ITGAD: variants seen among roughly 807,000 people sequenced by gnomAD.
The protein encoded by ITGAD is integrin alpha-D.
Under a neutral mutation model 139.0 loss-of-function variants are expected in ITGAD, and 105 were observed. That is an observed-to-expected ratio of 0.76 (90% CI 0.65 to 0.89). The LOEUF is 0.89. Among genes scored for constraint, ITGAD ranks in the 40% least tolerant of loss-of-function variants. ITGAD has a pLI of 0.00. For synonymous variants in ITGAD, 569 were observed against 598.3 expected (o/e 0.95, Z 0.71); for missense variants, 1,384 against 1,487.3 (o/e 0.93, Z 1.14).
Position 31,426,090 on chromosome 16 carries a change from G to A in ITGAD, c.3448G>A (p.Asp1150Asn), listed in dbSNP as rs199833797. 3.4e-5 allele frequency: 55 copies of A among 1,613,566 alleles called. No homozygotes were observed. In the East Asian group the frequency reaches 7.1e-4, roughly 21 times the overall value. ...PEDTATFSGD[D>N]FSCVAPNVPL... is the part of the protein sequence containing the mutation. ...AGACACTGCCACATTCAGTGGGGAC[G>A]ATTTCAGCTGTGTGGCCCCAAATGT... The change falls in exon 30 of 30, where the codon GAT (aspartate) becomes AAT (asparagine). Residue 1150 changes from aspartate (D) to asparagine (N), a missense_variant. Asp to Asn is a conservative substitution (Grantham distance 23). Transcript: ENST00000389202.
chr16:31,411,599 A>G (rs2081718186), intron 14 of ITGAD, 82 bp downstream of exon 14: 1 of 1,323,910 alleles, frequency 7.6e-7, no homozygotes, highest in Non-Finnish European at 1.1e-6. Flanking sequence ...TGTCTCTGTC[A>G]CCATTCCCTT....
In ITGAD at chr16:31,407,513, A is replaced by G; in HGVS notation, c.705-2A>G. 6.4e-7 allele frequency: 1 copy of G among 1,572,238 alleles called. No homozygotes were observed. The highest frequency in any genetic ancestry group is 8.6e-7 in the Non-Finnish European group (1 of 1,157,678). On this transcript the variant is annotated splice_acceptor_variant, in intron 7 of 29. Transcript: ENST00000389202. LOFTEE classifies it high-confidence loss of function. The stretch of plus-strand genomic sequence containing the variant: ...GAGTCATCTTCCTTTCCTCCCCGAC[A>G]GGACACAGCTATTTCATCATAAGAA...
chr16:31,418,159 G>A lies in ITGAD; in HGVS notation c.2584G>A (p.Val862Ile). 6.2e-7 allele frequency: 1 copy of A among 1,614,048 alleles called. No individual in the cohort carries two copies. Among genetic ancestry groups the A allele is most frequent in the South Asian group, 1.1e-5 (1 of 91,078 alleles). The part of the protein sequence containing the change: ...DEGLRSSRCS[V>I]NHPIFHEGSN... ...GGGCCTAAGAAGCAGCCGCTGCAGT[G>A]TCAACCACCCCATCTTCCATGAGGG... Residue 862 changes from valine (V) to isoleucine (I), a missense_variant, in exon 21 of 30, where the codon GTC becomes ATC. Val to Ile is a conservative substitution (Grantham distance 29). Coordinates refer to ENST00000389202, the MANE Select transcript of ITGAD (RefSeq NM_005353.3).
At chr16:31,402,031 G>A in intron 5 of ITGAD, 84 bp from the exon 6 acceptor site, 2 of 1,487,006 alleles carry the variant, frequency 1.3e-6, no homozygotes, top group South Asian at 1.2e-5. Flanking sequence ...GCCAAGAACA[G>A]CCCCCGGGCT....
chr16:31,410,789 G>C lies in ITGAD; in HGVS notation c.1267G>C (p.Ala423Pro), dbSNP rs998068799. 11 of 1,613,598 alleles carry C rather than the reference G, an allele frequency of 6.8e-6. No homozygotes were observed. The Admixed American group carries it at 1.3e-4, about 20-fold the overall frequency. Residue 423 changes from alanine to proline, a missense_variant, in exon 12 of 30, where the codon GCC (alanine) becomes CCC (proline). Transcript: ENST00000389202. ...GGGGGTACAGAACCTGGTCCTGGGG[G>C]CCCCCCGCTACCAGCATACCGGGAA... ...WKGVQNLVLG[A>P]PRYQHTGKAV... is the part of the protein sequence containing the mutation.
At chr16:31,416,673 G>T (rs201665972) in intron 20 of ITGAD, 27 bp downstream of exon 20, 3 of 1,586,178 alleles carry the variant, frequency 1.9e-6, no homozygotes, top group Admixed American at 3.4e-5. Flanking sequence ...GCTCTAGTGG[G>T]AGGGGGCCTC....
At chr16:31,418,216 A>G (rs1447667022) in intron 21 of ITGAD, 25 bp downstream of exon 21, 1 of 1,606,472 alleles carries the variant, frequency 6.2e-7, no homozygotes, top group South Asian at 1.1e-5. Context: ...CTAAATCCCC[A>G]TCACTGTCCT....
chr16:31,403,405 C>T lies in ITGAD; in HGVS notation c.559-95C>T, dbSNP rs2081454827. 1.4e-6 allele frequency: 2 copies of T among 1,441,906 alleles called. No individual in the cohort carries two copies. The highest frequency in any genetic ancestry group is 1.8e-5 in the Admixed American group (1 of 55,194). 89.3% of individuals were successfully genotyped at this position (1,441,906 alleles called of 1,614,324 possible). On this transcript the variant is annotated intron_variant, in intron 6 of 29. Transcript: ENST00000389202. This position sits in a 1 kb window ranked among gnomAD's most constrained non-coding sequence, Gnocchi z 4.4. ...GCTGAGGCAGGAGGATCACTTGAGG[C>T]CAGGAGTTTGAGAGACCCTGTCTCT...
chr16:31,416,768 C>T, intron 20 of ITGAD, 122 bp downstream of exon 20: 1 of 891,838 alleles, frequency 1.1e-6, no homozygotes, highest in Non-Finnish European at 1.7e-6. Flanking sequence ...CTCTCTCACA[C>T]ACACACACAT....
rs2081210857 is a variant in ITGAD at position 31,394,245 on chromosome 16, C to A, written c.41C>A (p.Ser14Tyr). 6.2e-7 allele frequency: 1 copy of A among 1,612,680 alleles called. No individual in the cohort carries two copies. Among genetic ancestry groups the A allele is most frequent in the African/African-American group, 1.3e-5 (1 of 74,830 alleles). The change falls in exon 2 of 30, where the codon TCT becomes TAT. Residue 14 changes from serine to tyrosine, a missense_variant. Transcript: ENST00000389202. ...GTVLLLSVLASYHGFNLDVEE... is the reference protein window; with the variant it reads ...GTVLLLSVLAYYHGFNLDVEE... ...ACCAAATATTCCTCAGTCCTGGCTT[C>A]TTATCATGGATTCAACCTGGATGTG...
intron 5 of ITGAD, among the ~76,000 whole-genome samples, chr16:31,399,191 C>T (rs905140848): frequency 9.2e-5 from 14 of 152,168 alleles, no homozygotes; most frequent in African/African-American, 2.9e-4. Flanking sequence ...CTTGAAGCTT[C>T]ATTCCCTCAA....
intron 5 of ITGAD, among the ~76,000 whole-genome samples, chr16:31,399,186 A>C (rs1198043904): frequency 6.6e-6 from 1 of 152,168 alleles, no homozygotes; most frequent in Non-Finnish European, 1.5e-5. Flanking sequence ...ATTCCCTTGA[A>C]GCTTCATTCC....
chr16:31,416,751 T>G (rs1218874316), intron 20 of ITGAD, 105 bp downstream of exon 20: 3 of 969,874 alleles, frequency 3.1e-6, no homozygotes, highest in Admixed American at 5.1e-5. Context: ...ATATGTGCTC[T>G]CTCTCTCTCT....
At chr16:31,416,687 C>T (rs778481275) in intron 20 of ITGAD, 41 bp downstream of exon 20, 2 of 1,574,790 alleles carry the variant, frequency 1.3e-6, no homozygotes, top group Admixed American at 1.7e-5. Flanking sequence ...GGGCCTCTCC[C>T]CTGCCCTGTA....
Position 31,411,234 on chromosome 16 carries a change from C to T in ITGAD, c.1497+18C>T. 6.2e-7 allele frequency: 1 copy of T among 1,611,722 alleles called. No individual in the cohort carries two copies. Among genetic ancestry groups the T allele is most frequent in the Non-Finnish European group, 8.5e-7 (1 of 1,178,660 alleles). On this transcript the variant is annotated intron_variant, in intron 13 of 29. Coordinates refer to ENST00000389202, the MANE Select transcript of ITGAD (RefSeq NM_005353.3). Reference sequence around the variant, plus strand: ...CTAGGGGGGTGAGTGGCTGATGGGACCTAGGCTGGGTGGGGTCCGGTGTGA... The same window carrying T: ...CTAGGGGGGTGAGTGGCTGATGGGATCTAGGCTGGGTGGGGTCCGGTGTGA...
rs371937902 is a variant in ITGAD, at chr16:31,423,969, G to A, written c.3159+11G>A. 6.2e-7 allele frequency: 1 copy of A among 1,613,510 alleles called. No homozygotes were observed. Among genetic ancestry groups the A allele is most frequent in the South Asian group, 1.1e-5 (1 of 91,070 alleles). ...GGCTGGGTCCGCGAGGTGTGTGGGG[G>A]CAGCGGCAGAGCCCCTGCCCCAGAC... On this transcript the variant is annotated intron_variant, in intron 27 of 29. Coordinates refer to ENST00000389202, the MANE Select transcript of ITGAD (RefSeq NM_005353.3).
intron 23 of ITGAD, among the ~76,000 whole-genome samples, chr16:31,420,588 T>C (rs1213883260): frequency 1.3e-5 from 2 of 151,746 alleles, no homozygotes; most frequent in Non-Finnish European, 2.9e-5. Context: ...GTTTGTTTGT[T>C]TTTGAGATGG....
rs746391909 is a variant in ITGAD at position 31,423,184 on chromosome 16, C to G, written c.2851C>G (p.Arg951Gly). 3 of 1,613,702 alleles carry G rather than the reference C, an allele frequency of 1.9e-6. No homozygotes were observed. Among genetic ancestry groups the G allele is most frequent in the South Asian group, 2.2e-5 (2 of 91,080 alleles). The change falls in exon 24 of 30, where the codon CGA becomes GGA. Residue 951 changes from arginine to glycine, a missense_variant. By Grantham distance (125) the Arg-to-Gly change is moderately radical. Coordinates refer to ENST00000389202, the MANE Select transcript of ITGAD (RefSeq NM_005353.3). ...GAAGAAAATGAAAGAGGCTGAGCAT[C>G]GATACCGTGTGAGAGTCTAGGGAGT... is the stretch of plus-strand genomic sequence containing the variant. ...DEKKMKEAEH[R>G]YRVNNLSQRD...
Position 31,418,123 on chromosome 16 carries a change from A to G in ITGAD, c.2548A>G (p.Thr850Ala). ...GCGCCTGGCATGTGAGACAGTGCCC[A>G]CTGAGGATGAGGGCCTAAGAAGCAG... ...ALRLACETVP[T>A]EDEGLRSSRC... The change falls in exon 21 of 30, where the codon ACT (threonine) becomes GCT (alanine). Residue 850 changes from threonine to alanine, a missense_variant. Transcript: ENST00000389202. The G allele has an allele frequency of 3.7e-6, 6 of 1,614,080 alleles. No homozygotes were observed. The highest frequency in any genetic ancestry group is 5.1e-6 in the Non-Finnish European group (6 of 1,180,006).
Sources: gnomAD v4.1 joint callset for allele counts (sites outside exome capture counted in the v4.1 genomes callset) on GRCh38, gnomAD v4.1.1 for gene constraint, Gnocchi (gnomAD v3.1) non-coding constraint, MANE v1.5 for transcripts, NCBI Gene and HGNC (gene_info 2026-07-23, HGNC 2026-07-21) for gene names.